The following KCNIP4 variants were observed in gnomAD, a reference collection of about 807,000 sequenced individuals.
KCNIP4 encodes the protein potassium voltage-gated channel interacting protein 4.
KCNIP4 carries 12 observed loss-of-function variants against 34.0 expected under a neutral mutation model. That is an observed-to-expected ratio of 0.35 (90% confidence interval 0.23 to 0.57). KCNIP4 has a LOEUF of 0.57. KCNIP4 is among the 20% of genes least tolerant of loss of function. The pLI, the probability that KCNIP4 is intolerant of heterozygous loss-of-function variation, is 0.83. For missense variants in KCNIP4, 238 were observed against 311.7 expected, an observed-to-expected ratio of 0.76 and a Z score of 1.78; for synonymous variants, 124 against 102.2, an observed-to-expected ratio of 1.21 and a Z score of -1.29.
At chr4:20,894,578 A>T (rs933405037) in intron 1 of KCNIP4, among the ~76,000 whole-genome samples, 2 of 152,172 alleles carry the variant, frequency 1.3e-5, no homozygotes, top group African/African-American at 4.8e-5. Flanking sequence ...GCAGAATCTC[A>T]TAGTCTACTC....
At chr4:21,571,774 T>A (rs1441126535) in intron 1 of KCNIP4, among the ~76,000 whole-genome samples, 1 of 152,146 alleles carries the variant, frequency 6.6e-6, no homozygotes, top group Non-Finnish European at 1.5e-5. Flanking sequence ...CTCTGATAAA[T>A]GTTTAAGATT....
intron 1 of KCNIP4, among the ~76,000 whole-genome samples, chr4:20,994,233 A>T (rs562201204): frequency 1.3e-5 from 2 of 152,210 alleles, no homozygotes; most frequent in Non-Finnish European, 2.9e-5. Context: ...TCTGCCTACT[A>T]TATAGATGTA....
intron 1 of KCNIP4, among the ~76,000 whole-genome samples, chr4:20,938,165 T>G (rs574641570): frequency 6.6e-6 from 1 of 151,946 alleles, no homozygotes; most frequent in East Asian, 1.9e-4. Context: ...ACGTTGAATC[T>G]TCTCTAGATT....
intron 1 of KCNIP4, among the ~76,000 whole-genome samples, chr4:21,537,855 T>C (rs1322723828): frequency 2.0e-5 from 3 of 151,378 alleles, no homozygotes; most frequent in African/African-American, 7.3e-5. Context: ...CTACTAAAAA[T>C]ACAAGAATTA....
intron 1 of KCNIP4, among the ~76,000 whole-genome samples, chr4:21,030,967 A>G (rs1740972738): frequency 6.6e-6 from 1 of 152,180 alleles, no homozygotes; most frequent in Non-Finnish European, 1.5e-5. Flanking sequence ...GCTCTGCTTG[A>G]GGGTGTTCCC....
At chr4:21,706,820 G>A (rs557339334) in intron 1 of KCNIP4, among the ~76,000 whole-genome samples, 1 of 152,252 alleles carries the variant, frequency 6.6e-6, no homozygotes, top group East Asian at 1.9e-4. Context: ...AATTAAACAT[G>A]TGCAGCATAA....
At chr4:21,132,586 T>A (rs996477831) in intron 1 of KCNIP4, among the ~76,000 whole-genome samples, 3 of 152,188 alleles carry the variant, frequency 2.0e-5, no homozygotes, top group African/African-American at 7.2e-5. Flanking sequence ...TCTTCCAGAT[T>A]TAGCTTTCTA....
At chr4:21,101,398 TG>T (rs1747929051) in intron 1 of KCNIP4, among the ~76,000 whole-genome samples, 2 of 152,206 alleles carry the variant, frequency 1.3e-5, no homozygotes, top group Admixed American at 6.5e-5. Context: ...TATGTTTGTG[TG>T]GGTGTATACA....
intron 1 of KCNIP4, among the ~76,000 whole-genome samples, chr4:21,055,099 G>T (rs61458170): frequency 1.3e-5 from 2 of 152,130 alleles, no homozygotes; most frequent in Admixed American, 1.3e-4. Context: ...TAAAAAACAT[G>T]TTAAAGACCA....
chr4:20,889,227 G>T (rs1725654210), intron 1 of KCNIP4, among the ~76,000 whole-genome samples: 1 of 152,034 alleles, frequency 6.6e-6, no homozygotes, highest in African/African-American at 2.4e-5. Context: ...CCAAAAAATG[G>T]TGCATTCTGC....
At chr4:21,111,100 T>G (rs1749125777) in intron 1 of KCNIP4, among the ~76,000 whole-genome samples, 1 of 152,228 alleles carries the variant, frequency 6.6e-6, no homozygotes, top group African/African-American at 2.4e-5. Flanking sequence ...AGGTCTGTGC[T>G]TCATTGAAGT....
intron 2 of KCNIP4, among the ~76,000 whole-genome samples, chr4:20,865,681 A>G (rs1397896443): frequency 1.3e-5 from 2 of 152,110 alleles, no homozygotes; most frequent in East Asian, 3.9e-4. Context: ...AGAGATAGAG[A>G]ATAAAACAAT....
At chr4:21,439,408 A>C (rs747462441) in intron 1 of KCNIP4, among the ~76,000 whole-genome samples, 1 of 152,228 alleles carries the variant, frequency 6.6e-6, no homozygotes, top group Non-Finnish European at 1.5e-5. Flanking sequence ...CGAGGTATGG[A>C]AACTCTTCCG....
chr4:21,365,710 G>C (rs1178115560), intron 1 of KCNIP4, among the ~76,000 whole-genome samples: 1 of 151,708 alleles, frequency 6.6e-6, no homozygotes, highest in East Asian at 1.9e-4. Flanking sequence ...TATTAACCTT[G>C]GCAGCAAAAA....
intron 1 of KCNIP4, among the ~76,000 whole-genome samples, chr4:21,549,426 A>G (rs1189534519): frequency 6.6e-6 from 1 of 151,756 alleles, no homozygotes; most frequent in Non-Finnish European, 1.5e-5. Context: ...TTCTCACTCT[A>G]TTACTTACTG....
intron 1 of KCNIP4, among the ~76,000 whole-genome samples, chr4:21,364,935 A>G (rs1003689864): frequency 6.6e-6 from 1 of 152,162 alleles, no homozygotes; most frequent in African/African-American, 2.4e-5. Flanking sequence ...AAGTGAATAT[A>G]AAGATAGGAA....
chr4:21,132,193 C>G (rs6448020), intron 1 of KCNIP4, among the ~76,000 whole-genome samples: 103,811 of 152,138 alleles, frequency 0.68, 35,977 homozygotes, highest in African/African-American at 0.79. Flanking sequence ...AAAGCACCAA[C>G]AACAGGAATT....
At chr4:21,308,590 T>C (rs1021889941) in intron 1 of KCNIP4, among the ~76,000 whole-genome samples, 13 of 152,154 alleles carry the variant, frequency 8.5e-5, no homozygotes, top group African/African-American at 3.1e-4. Context: ...ACCCAAAGCA[T>C]TCAATGAAAC....
At chr4:21,839,434 T>C (rs1360196120) in intron 1 of KCNIP4, among the ~76,000 whole-genome samples, 1 of 152,144 alleles carries the variant, frequency 6.6e-6, no homozygotes, top group Non-Finnish European at 1.5e-5. Flanking sequence ...ATATGTCAGG[T>C]GACACACTTC....
Sources: gnomAD v4.1 joint callset for allele counts (sites outside exome capture counted in the v4.1 genomes callset) on GRCh38, gnomAD v4.1.1 for gene constraint, MANE v1.5 for transcripts, NCBI Gene and HGNC (gene_info 2026-07-23, HGNC 2026-07-21) for gene names.